SLC36A1: variants seen among roughly 807,000 people sequenced by gnomAD.
SLC36A1 encodes solute carrier family 36 member 1.
In SLC36A1, 30 loss-of-function variants were observed where a neutral mutation model predicts 47.5. The observed-to-expected ratio is 0.63, with a 90% CI of 0.47 to 0.86. The LOEUF (loss-of-function observed/expected upper bound fraction) is 0.86. Among genes scored for constraint, SLC36A1 ranks in the 40% least tolerant of loss-of-function variants. SLC36A1 has a pLI of 0.00. For synonymous variants in SLC36A1, 255 were observed against 249.7 expected (o/e 1.02, Z -0.20); for missense variants, 517 against 606.0 (o/e 0.85, Z 1.54).
upstream of SLC36A1, among the ~76,000 whole-genome samples, chr5:151,434,810 G>A (rs534801617): frequency 5.5e-4 from 84 of 152,248 alleles, no homozygotes; most frequent in African/African-American, 2.0e-3. Flanking sequence ...AAGCCAGGAA[G>A]TGAGCTCTCA....
chr5:151,382,999 C>G, the SLC36A1 span, among the ~76,000 whole-genome samples: 1 of 152,176 alleles, frequency 6.6e-6, no homozygotes, highest in African/African-American at 2.4e-5. Flanking sequence ...CTCCTGACCT[C>G]GTGATCCACC....
chr5:151,533,240 T>C, the SLC36A1 span, among the ~76,000 whole-genome samples: 1 of 152,138 alleles, frequency 6.6e-6, no homozygotes. Context: ...AAGCAGTGGC[T>C]AATGGAGCAC....
chr5:151,552,219 C>G, the SLC36A1 span, among the ~76,000 whole-genome samples: 20 of 152,260 alleles, frequency 1.3e-4, no homozygotes, highest in South Asian at 6.2e-4. Context: ...GACTCGGCCT[C>G]AAGTGATCCT....
the SLC36A1 span, among the ~76,000 whole-genome samples, chr5:151,552,377 G>A: frequency 6.6e-6 from 1 of 152,280 alleles, no homozygotes; most frequent in East Asian, 1.9e-4. Context: ...GCCAGAACTG[G>A]AAGTAAGTTC....
chr5:151,361,446 A>C, the SLC36A1 span, among the ~76,000 whole-genome samples: 1 of 152,224 alleles, frequency 6.6e-6, no homozygotes, highest in Non-Finnish European at 1.5e-5. Context: ...AGAACATTTT[A>C]GTGCCCAGAT....
At chr5:151,426,455 G>T in the SLC36A1 span, among the ~76,000 whole-genome samples, 8 of 152,046 alleles carry the variant, frequency 5.3e-5, no homozygotes, top group African/African-American at 1.9e-4. Flanking sequence ...TTTAAGGAAA[G>T]GTGCTGTGCC....
At chr5:151,509,861 C>CA in the SLC36A1 span, 1 of 775,050 alleles carries the variant, frequency 1.3e-6, no homozygotes, top group Non-Finnish European at 2.1e-6. Flanking sequence ...TCCCTGGTGC[C>CA]AAAAAGGTTG....
chr5:151,445,588 A>T (rs1038424941), upstream of SLC36A1, among the ~76,000 whole-genome samples: 2 of 152,258 alleles, frequency 1.3e-5, no homozygotes, highest in Non-Finnish European at 2.9e-5. Flanking sequence ...GTCAGCTGTG[A>T]AGCCATCTGG....
At chr5:151,554,294 G>T in the SLC36A1 span, 2 of 1,452,630 alleles carry the variant, frequency 1.4e-6, no homozygotes, top group Non-Finnish European at 1.9e-6. Flanking sequence ...CCCTCCTCCT[G>T]AATTCTCAAA....
At chr5:151,422,779 A>G in the SLC36A1 span, among the ~76,000 whole-genome samples, 1 of 152,138 alleles carries the variant, frequency 6.6e-6, no homozygotes, top group Non-Finnish European at 1.5e-5. Flanking sequence ...CGTCTCTACT[A>G]AAAATACAAA....
At chr5:151,546,114 T>C in the SLC36A1 span, 1 of 1,614,140 alleles carries the variant, frequency 6.2e-7, no homozygotes, top group East Asian at 2.2e-5. Flanking sequence ...CAGGGATTGA[T>C]TCAGGGATCT....
chr5:151,446,009 C>T (rs1360273154), upstream of SLC36A1, among the ~76,000 whole-genome samples: 1 of 151,392 alleles, frequency 6.6e-6, no homozygotes, highest in African/African-American at 2.4e-5. Flanking sequence ...CTTCTTTTAA[C>T]TTTGGGTCTT....
chr5:151,467,900 T>G lies in SLC36A1; in HGVS notation c.698T>G (p.Val233Gly), dbSNP rs1306772621. The change falls in exon 7 of 11, where the codon GTC (valine) becomes GGC (glycine). Residue 233 changes from valine to glycine, a missense_variant. Physicochemically the swap from Val to Gly is moderately radical, Grantham distance 109. Coordinates refer to ENST00000243389, the MANE Select transcript of SLC36A1 (RefSeq NM_078483.4). ...LANITMLVSL[V>G]MIYQFIVQRI... ...AACATCACCATGCTGGTCAGCTTGG[T>G]CATGATCTACCAGTTCATTGTTCAG... is the stretch of plus-strand genomic sequence containing the variant. 1.2e-6 allele frequency: 2 copies of G among 1,613,744 alleles called. No individual in the cohort carries two copies.
the SLC36A1 span, among the ~76,000 whole-genome samples, chr5:151,398,634 T>C: frequency 6.6e-6 from 1 of 152,160 alleles, no homozygotes; most frequent in Non-Finnish European, 1.5e-5. Flanking sequence ...TGTGTTCCAG[T>C]GTGGTAATGT....
chr5:151,453,306 T>C (rs1157906104), intron 1 of SLC36A1, among the ~76,000 whole-genome samples: 1 of 152,084 alleles, frequency 6.6e-6, no homozygotes, highest in African/African-American at 2.4e-5. Flanking sequence ...TTGACGTATG[T>C]TTCATTTAAC....
chr5:151,442,393 A>G (rs181754974), intron 1 of SLC36A1, among the ~76,000 whole-genome samples: 2 of 152,304 alleles, frequency 1.3e-5, no homozygotes, highest in African/African-American at 2.4e-5. Flanking sequence ...TTTAATTGAC[A>G]TAACTATACA....
At chr5:151,508,713 A>G in the SLC36A1 span, among the ~76,000 whole-genome samples, 1 of 151,894 alleles carries the variant, frequency 6.6e-6, no homozygotes, top group African/African-American at 2.4e-5. Context: ...CCTTCTCAAA[A>G]AAAAAAAAAA....
At chr5:151,464,389 A>G in intron 3 of SLC36A1, 125 bp from the exon 4 acceptor site, 1 of 758,594 alleles carries the variant, frequency 1.3e-6, no homozygotes, top group Admixed American at 2.1e-5. Flanking sequence ...TGCTGGGCCC[A>G]AAGTTTTGTC....
In SLC36A1 at chr5:151,488,986, TG is replaced by T; in HGVS notation, c.*733del. The T allele has an allele frequency of 6.6e-6, 1 of 152,264 alleles. No individual in the cohort carries two copies. Among genetic ancestry groups the T allele is most frequent in the East Asian group, 1.9e-4 (1 of 5,204 alleles). The allele number at this position is 152,264 out of a possible 1,614,324, so 9.4% of individuals were successfully genotyped here. A position where few individuals can be genotyped will look rare whatever the true frequency, so the allele number is the denominator to read the frequency against. On this transcript the variant is annotated 3_prime_UTR_variant, in exon 11 of 11. Coordinates refer to ENST00000243389, the MANE Select transcript of SLC36A1 (RefSeq NM_078483.4). The stretch of plus-strand genomic sequence containing the variant: ...TAAAATCAGATTTTTGTTTTTAGAC[TG>T]TCTTAGATCTGGGGCTATTACGAAT...
Sources: gnomAD v4.1 joint callset for allele counts (sites outside exome capture counted in the v4.1 genomes callset) on GRCh38, gnomAD v4.1.1 for gene constraint, MANE v1.5 for transcripts, NCBI Gene and HGNC (gene_info 2026-07-23, HGNC 2026-07-21) for gene names.